WDR1: variants seen among roughly 807,000 people sequenced by gnomAD.
The protein encoded by WDR1 is WD repeat-containing protein 1.
WDR1 carries 21 observed loss-of-function variants against 71.9 expected under a neutral mutation model. That is an observed-to-expected ratio of 0.29 (90% CI 0.21 to 0.42). The LOEUF is 0.42. Ranked by LOEUF, WDR1 falls within the 10% of genes least tolerant of loss-of-function variation. The pLI, the probability that WDR1 is intolerant of heterozygous loss-of-function variation, is 1.00. For synonymous variants in WDR1, 424 were observed against 347.4 expected (o/e 1.22, Z -2.45); for missense variants, 696 against 824.5 (o/e 0.84, Z 1.91).
At chr4:10,098,304 A>G (rs1712479815) in intron 4 of WDR1, among the ~76,000 whole-genome samples, 1 of 152,240 alleles carries the variant, frequency 6.6e-6, no homozygotes, top group Non-Finnish European at 1.5e-5. Flanking sequence ...TTTGCTACTG[A>G]AAAAAGAAGG....
intron 8 of WDR1, among the ~76,000 whole-genome samples, chr4:10,086,540 C>G (rs192731498): frequency 1.1e-3 from 168 of 152,030 alleles, no homozygotes; most frequent in African/African-American, 3.8e-3. Flanking sequence ...AGCAGCCCCT[C>G]CTAGAAGCCG....
rs1473166992 is a variant in WDR1, at chr4:10,083,047, TG to T, written c.1170del (p.Tyr390Ter). ...ISCSMDDTVR[Y>X]TSLMLRDYSG... ...CTGTAGTCCCGCAGCATGAGGCTGGTGTACCGCACGGTGTCGTCCATGCTGC... is the reference window on the plus strand; with the variant it reads ...CTGTAGTCCCGCAGCATGAGGCTGGTTACCGCACGGTGTCGTCCATGCTGC... On this transcript the variant is annotated frameshift_variant, in exon 10 of 15. Transcript: ENST00000499869. LOFTEE classifies it high-confidence loss of function. The T allele has an allele frequency of 6.2e-7, 1 of 1,613,280 alleles. No individual in the cohort carries two copies. The highest frequency in any genetic ancestry group is 8.5e-7 in the Non-Finnish European group (1 of 1,179,646).
intron 2 of WDR1, among the ~76,000 whole-genome samples, chr4:10,107,953 A>G (rs1037718862): frequency 6.6e-6 from 1 of 152,148 alleles, no homozygotes; most frequent in Non-Finnish European, 1.5e-5. Flanking sequence ...CACTATGCTC[A>G]GGTCCCACCA....
Position 10,099,078 on chromosome 4 carries a change from C to G in WDR1, c.291G>C (p.Glu97Asp), listed in dbSNP as rs1413094085. ...TTQKEHLLKYEYQPFAGKIKD... is the reference protein window; with the variant it reads ...TTQKEHLLKYDYQPFAGKIKD... ...TGATCTTCCCAGCGAAAGGCTGGTA[C>G]TCATACTTCAACAGGTGCTCCTTCT... Residue 97 changes from glutamate to aspartate, a missense_variant, in exon 4 of 15, where the codon GAG (glutamate) becomes GAC (aspartate). Physicochemically the swap from Glu to Asp is conservative, Grantham distance 45. Coordinates refer to ENST00000499869, the MANE Select transcript of WDR1 (RefSeq NM_017491.5). 9 of 1,612,242 alleles carry G rather than the reference C, an allele frequency of 5.6e-6. No homozygotes were observed. Among genetic ancestry groups the G allele is most frequent in the African/African-American group, 1.3e-5 (1 of 74,804 alleles).
In WDR1 at chr4:10,088,649, C is replaced by T; in HGVS notation, c.636+15G>A. The T allele has an allele frequency of 7.5e-6, 12 of 1,594,056 alleles. No individual in the cohort carries two copies. The highest frequency in any genetic ancestry group is 1.0e-5 in the Non-Finnish European group (12 of 1,169,034). On this transcript the variant is annotated intron_variant, in intron 6 of 14. Transcript: ENST00000499869. ...ACAAGCCATTCCCCACCCCAAAACC[C>T]ATCCCAGTTCTTACCTGGCCGTCAG... is the stretch of plus-strand genomic sequence containing the variant.
Position 10,082,186 on chromosome 4 carries a change from C to T in WDR1, c.1197-742G>A, listed in dbSNP as rs559560620. 1.2e-3 allele frequency among the ~76,000 whole-genome samples: 181 copies of T among 152,276 alleles called. 1 individual carries two copies. Among genetic ancestry groups the T allele is most frequent in the Non-Finnish European group, 2.2e-3 (152 of 68,008 alleles). ...GCCGCTTCTGCCACTCATCGGGAGG[C>T]CCAATTTACCTACAGATGCCCAGTC... On this transcript the variant is annotated intron_variant, in intron 10 of 14. Transcript: ENST00000499869.
At chr4:10,094,329 T>G (rs1041069317) in intron 5 of WDR1, among the ~76,000 whole-genome samples, 1 of 152,108 alleles carries the variant, frequency 6.6e-6, no homozygotes, top group Non-Finnish European at 1.5e-5. Flanking sequence ...CCAAACCAAC[T>G]GCTCACCCGA....
rs115891406 is a variant in WDR1 at position 10,109,281 on chromosome 4, A to C, written c.139-5295T>G. 4.0e-3 allele frequency among the ~76,000 whole-genome samples: 617 copies of C among 152,390 alleles called. 6 individuals are homozygous for C. Among genetic ancestry groups the C allele is most frequent in the African/African-American group, 0.014 (577 of 41,590 alleles). On this transcript the variant is annotated intron_variant, in intron 2 of 14. Transcript: ENST00000499869. ...GCTGACTCACCTGGGTTATGAGCATATAACTAACAGCACGGTGAGTCAAGG... is the reference window on the plus strand; with the variant it reads ...GCTGACTCACCTGGGTTATGAGCATCTAACTAACAGCACGGTGAGTCAAGG...
At chr4:10,094,209 A>G (rs1323850715) in intron 5 of WDR1, among the ~76,000 whole-genome samples, 1 of 152,154 alleles carries the variant, frequency 6.6e-6, no homozygotes, top group Non-Finnish European at 1.5e-5. Flanking sequence ...GCTCTAAGTA[A>G]CCATTTCATT....
At chr4:10,116,275 C>A (rs1195236362) in intron 1 of WDR1, 41 bp from the exon 2 acceptor site, 4 of 1,610,560 alleles carry the variant, frequency 2.5e-6, no homozygotes, top group East Asian at 2.2e-5. Context: ...CAGGGCAGGG[C>A]GGGGACGGCG....
At chr4:10,075,601 C>T (rs1329645583) in intron 14 of WDR1, 117 bp from the exon 15 acceptor site, 9 of 935,310 alleles carry the variant, frequency 9.6e-6, no homozygotes, top group South Asian at 1.6e-5. Flanking sequence ...AAGAAAATGG[C>T]CACGAATCGT....
chr4:10,081,265 A>T, intron 11 of WDR1, 92 bp downstream of exon 11: 2 of 1,252,376 alleles, frequency 1.6e-6, no homozygotes, highest in Non-Finnish European at 2.3e-6. Context: ...AACACTGGCT[A>T]GAGCAACTGT....
Position 10,077,735 on chromosome 4 carries a change from G to C in WDR1, c.1569+18C>G. The C allele has an allele frequency of 6.4e-7, 1 of 1,553,706 alleles. No homozygotes were observed. The highest frequency in any genetic ancestry group is 1.2e-5 in the South Asian group (1 of 82,868). On this transcript the variant is annotated intron_variant, in intron 13 of 14. Transcript: ENST00000499869. ...ACCGCCCAGCACGGGGACAGAGGAG[G>C]AGCCCGCCGCCACTCACCGAGTAGC...
Position 10,088,233 on chromosome 4 carries a change from A to G in WDR1, c.717+60T>C, listed in dbSNP as rs1711716051. ...CTAACTCCGGAGTGAGTGTGGATGG[A>G]CTGACACGTGGACTCGGCCAAATTC... On this transcript the variant is annotated intron_variant, in intron 7 of 14. Transcript: ENST00000499869. 3 of 1,465,088 alleles carry G rather than the reference A, an allele frequency of 2.0e-6. No homozygotes were observed. The African/African-American group carries it at 4.2e-5, about 21-fold the overall frequency. The allele number at this position is 1,465,088 out of a possible 1,614,324, so 90.8% of individuals were successfully genotyped here. A position where few individuals can be genotyped will look rare whatever the true frequency, so the allele number is the denominator to read the frequency against.
At chr4:10,106,137 G>A (rs1054705523) in intron 2 of WDR1, among the ~76,000 whole-genome samples, 6 of 152,130 alleles carry the variant, frequency 3.9e-5, no homozygotes, top group African/African-American at 1.4e-4. Flanking sequence ...GGCACCCTCC[G>A]GAGTGACAGG....
chr4:10,098,727 G>C (rs185429704), intron 4 of WDR1, among the ~76,000 whole-genome samples: 2 of 152,366 alleles, frequency 1.3e-5, no homozygotes, highest in African/African-American at 4.8e-5. Context: ...GTGGGCATGA[G>C]AGCTGGGGTT....
intron 2 of WDR1, among the ~76,000 whole-genome samples, chr4:10,111,499 C>T (rs1713361055): frequency 6.6e-6 from 1 of 152,190 alleles, no homozygotes; most frequent in African/African-American, 2.4e-5. Context: ...CGTTTGCACC[C>T]AGGTGATAAT....
intron 2 of WDR1, among the ~76,000 whole-genome samples, chr4:10,111,515 G>A (rs1244209958): frequency 6.6e-6 from 1 of 152,142 alleles, no homozygotes; most frequent in Non-Finnish European, 1.5e-5. Flanking sequence ...ATAATCCAAC[G>A]CACCACTTCC....
At chr4:10,109,682 A>G (rs1008237468) in intron 2 of WDR1, among the ~76,000 whole-genome samples, 11 of 152,160 alleles carry the variant, frequency 7.2e-5, no homozygotes, top group Non-Finnish European at 1.0e-4. Flanking sequence ...GCGGGACACC[A>G]CCACCTCCGT....
Sources: allele counts gnomAD v4.1 joint callset (sites outside exome capture counted in the v4.1 genomes callset), GRCh38; gene constraint gnomAD v4.1.1; transcripts MANE v1.5; gene names NCBI Gene and HGNC (gene_info 2026-07-23, HGNC 2026-07-21).